The following EXOC4 variants were observed in gnomAD, a reference collection of about 807,000 sequenced individuals.
EXOC4 encodes exocyst complex component 4.
Under a neutral mutation model 107.2 loss-of-function variants are expected in EXOC4, and 71 were observed. That is an observed-to-expected ratio of 0.66 (90% CI 0.55 to 0.81). The LOEUF is 0.81. Ranked by LOEUF, EXOC4 falls within the 30% of genes least tolerant of loss-of-function variation. The pLI, the probability that EXOC4 is intolerant of heterozygous loss-of-function variation, is 0.00. For missense variants in EXOC4, 1,108 were observed against 1,189.6 expected (o/e 0.93, Z 1.01); for synonymous variants, 456 against 441.2 (o/e 1.03, Z -0.42).
chr7:133,340,752 A>C (rs1176723337), intron 5 of EXOC4, among the ~76,000 whole-genome samples: 1 of 151,942 alleles, frequency 6.6e-6, no homozygotes, highest in Non-Finnish European at 1.5e-5. Context: ...GGTTTAATCT[A>C]GGAGGGTTGT....
intron 7 of EXOC4, among the ~76,000 whole-genome samples, chr7:133,402,490 T>TTTCA (rs1173519742): frequency 5.3e-5 from 8 of 152,158 alleles, no homozygotes; most frequent in African/African-American, 1.7e-4. Context: ...AGAATTTGCG[T>TTTCA]TTCATTCATT....
Position 133,551,298 on chromosome 7 carries a change from C to T in EXOC4, c.1417+71160C>T, listed in dbSNP as rs189932331. Among the ~76,000 whole-genome samples, 868 of 152,124 alleles carry T rather than the reference C, an allele frequency of 5.7e-3. 6 individuals are homozygous for T. The highest frequency in any genetic ancestry group is 6.6e-3 in the Non-Finnish European group (452 of 68,008). On this transcript the variant is annotated intron_variant, in intron 9 of 17. Transcript: ENST00000253861. The stretch of plus-strand genomic sequence containing the variant: ...TTGCATGCTGAATTCTTGGACTAAA[C>T]GTACTTTTTAGTTGCACAGCTGCCA...
intron 14 of EXOC4, among the ~76,000 whole-genome samples, chr7:133,990,871 A>C (rs550149864): frequency 6.6e-6 from 1 of 152,306 alleles, no homozygotes; most frequent in African/African-American, 2.4e-5. Flanking sequence ...GCTATGGTGA[A>C]TAGTGCTGCA....
chr7:133,372,308 G>A (rs1796394645), intron 6 of EXOC4, among the ~76,000 whole-genome samples: 1 of 152,088 alleles, frequency 6.6e-6, no homozygotes, highest in African/African-American at 2.4e-5. Flanking sequence ...AATGGCTGGA[G>A]GTCTCAAAAA....
At chr7:133,923,124 T>G (rs868758557) in intron 13 of EXOC4, among the ~76,000 whole-genome samples, 14 of 145,772 alleles carry the variant, frequency 9.6e-5, no homozygotes, top group Non-Finnish European at 2.1e-4. Flanking sequence ...GGTAAGAGTT[T>G]ACACTTTTTT....
chr7:133,988,376 T>C (rs1224529808), intron 14 of EXOC4, among the ~76,000 whole-genome samples: 2 of 152,224 alleles, frequency 1.3e-5, no homozygotes, highest in African/African-American at 2.4e-5. Flanking sequence ...CCTTCTTTTT[T>C]CTGATTTTTC....
chr7:133,857,821 G>A (rs186130459), intron 11 of EXOC4, among the ~76,000 whole-genome samples: 26 of 152,166 alleles, frequency 1.7e-4, no homozygotes, highest in African/African-American at 5.5e-4. Context: ...GTGTGGAGGC[G>A]CTCTGCAGCT....
At chr7:133,791,096 T>C (rs545318002) in intron 10 of EXOC4, among the ~76,000 whole-genome samples, 3 of 152,324 alleles carry the variant, frequency 2.0e-5, no homozygotes, top group Admixed American at 6.5e-5. Flanking sequence ...TAGGGACTGA[T>C]ATTGAACAAT....
intron 7 of EXOC4, among the ~76,000 whole-genome samples, chr7:133,409,389 C>T (rs1424571780): frequency 2.0e-5 from 3 of 152,130 alleles, no homozygotes; most frequent in Non-Finnish European, 2.9e-5. Context: ...ACAGTGATTC[C>T]CACCTCCACC....
At chr7:133,866,694 C>G (rs1798647852) in intron 11 of EXOC4, among the ~76,000 whole-genome samples, 1 of 152,054 alleles carries the variant, frequency 6.6e-6, no homozygotes, top group East Asian at 1.9e-4. Flanking sequence ...ATCCAAGAGC[C>G]TATGTGCTCT....
intron 11 of EXOC4, among the ~76,000 whole-genome samples, chr7:133,866,369 G>A (rs1434940000): frequency 1.3e-5 from 2 of 152,104 alleles, no homozygotes; most frequent in African/African-American, 2.4e-5. Context: ...GGCCTTGTGT[G>A]TCTCAAGGCC....
intron 11 of EXOC4, among the ~76,000 whole-genome samples, chr7:133,820,122 AT>A (rs1471237136): frequency 7.5e-6 from 1 of 133,024 alleles, no homozygotes; most frequent in Non-Finnish European, 1.6e-5. Context: ...TAACCTGCAA[AT>A]TTTTTTTTCT....
intron 17 of EXOC4, among the ~76,000 whole-genome samples, chr7:134,015,018 G>T (rs892723495): frequency 1.3e-5 from 2 of 152,218 alleles, no homozygotes; most frequent in Admixed American, 1.3e-4. Flanking sequence ...GAATTATCCA[G>T]AATAGGGAGA....
chr7:133,680,820 A>G (rs969984236), intron 10 of EXOC4, among the ~76,000 whole-genome samples: 13 of 152,222 alleles, frequency 8.5e-5, no homozygotes, highest in African/African-American at 2.9e-4. Context: ...GAAAATCATT[A>G]TAATAAATAC....
At chr7:134,007,195 G>T (rs1380747068) in intron 16 of EXOC4, among the ~76,000 whole-genome samples, 1 of 152,100 alleles carries the variant, frequency 6.6e-6, no homozygotes, top group African/African-American at 2.4e-5. Context: ...AATGCCCAGT[G>T]TCATATTGAT....
At chr7:134,070,219 T>G (rs1362206604), downstream of EXOC4, among the ~76,000 whole-genome samples, 1 of 152,326 alleles carries the variant, frequency 6.6e-6, no homozygotes, top group East Asian at 1.9e-4. Flanking sequence ...CTGTCCTAAT[T>G]AGGCACAGTT....
At chr7:133,392,755 T>G (rs1796881496) in intron 7 of EXOC4, among the ~76,000 whole-genome samples, 1 of 152,196 alleles carries the variant, frequency 6.6e-6, no homozygotes, top group African/African-American at 2.4e-5. Flanking sequence ...GTAGTATCAT[T>G]GTATAATCAA....
chr7:133,447,079 G>T (rs1342398886), intron 7 of EXOC4, among the ~76,000 whole-genome samples: 1 of 152,112 alleles, frequency 6.6e-6, no homozygotes, highest in African/African-American at 2.4e-5. Flanking sequence ...ATTTCAGTTT[G>T]CTTTGGCAGC....
intron 2 of EXOC4, 86 bp from the exon 3 acceptor site, chr7:133,288,836 A>T: frequency 9.4e-7 from 1 of 1,064,606 alleles, no homozygotes; most frequent in Non-Finnish European, 1.4e-6. Flanking sequence ...TGCATACAGT[A>T]GTACCAGTGA....
Sources: allele counts gnomAD v4.1 joint callset (sites outside exome capture counted in the v4.1 genomes callset), GRCh38; gene constraint gnomAD v4.1.1; transcripts MANE v1.5; gene names NCBI Gene and HGNC (gene_info 2026-07-23, HGNC 2026-07-21).